The following TNKS2 variants were observed in gnomAD, a reference collection of about 807,000 sequenced individuals.
TNKS2 encodes poly [ADP-ribose] polymerase tankyrase-2.
A neutral mutation model predicts 137.6 loss-of-function variants in TNKS2; 72 were observed. The observed-to-expected ratio is 0.52, with a 90% CI of 0.43 to 0.64. The LOEUF (loss-of-function observed/expected upper bound fraction) is 0.64. Among genes scored for constraint, TNKS2 ranks in the 30% least tolerant of loss-of-function variants. The pLI is 0.00. For synonymous variants in TNKS2, 516 were observed against 512.1 expected, an observed-to-expected ratio of 1.01 and a Z score of -0.10; for missense variants, 1,049 against 1,410.2, an observed-to-expected ratio of 0.74 and a Z score of 4.10.
intron 9 of TNKS2, among the ~76,000 whole-genome samples, chr10:91,829,612 C>G (rs1256362414): frequency 6.6e-6 from 1 of 152,150 alleles, no homozygotes; most frequent in African/African-American, 2.4e-5. Flanking sequence ...GGTCTCTGCG[C>G]TCTCATGATA....
intron 23 of TNKS2, 119 bp from the exon 24 acceptor site, chr10:91,857,306 A>G: frequency 2.0e-6 from 1 of 498,014 alleles, no homozygotes; most frequent in East Asian, 3.1e-5. Context: ...AACACATTTT[A>G]TATTTCAGAG....
In TNKS2 at chr10:91,844,901, ACTT is replaced by A. The variant is rs1842321856; in HGVS notation, c.2060-14_2060-12del. 6.4e-7 allele frequency: 1 copy of A among 1,553,974 alleles called. No homozygotes were observed. Among genetic ancestry groups the A allele is most frequent in the Non-Finnish European group, 8.8e-7 (1 of 1,136,046 alleles). Reference sequence around the variant, plus strand: ...AAGAAAAAACAAGTAAAGTAATTTTACTTCTTTTCTAAATTAGCTGGTTATAAT... The same window carrying A: ...AAGAAAAAACAAGTAAAGTAATTTTACTTTTCTAAATTAGCTGGTTATAAT... On this transcript the variant is annotated splice_polypyrimidine_tract_variant and intron_variant, in intron 16 of 26. Coordinates refer to ENST00000371627, the MANE Select transcript of TNKS2 (RefSeq NM_025235.4).
At chr10:91,853,052 G>A (rs1000586555) in intron 21 of TNKS2, among the ~76,000 whole-genome samples, 1 of 152,164 alleles carries the variant, frequency 6.6e-6, no homozygotes, top group Non-Finnish European at 1.5e-5. Flanking sequence ...GTAGACCATC[G>A]TTGTAACTCT....
chr10:91,848,553 C>T lies in TNKS2; in HGVS notation c.2529C>T (p.Asn843=), dbSNP rs1293025580. The change falls in exon 19 of 27, where the codon AAC becomes AAT. Residue 843 remains asparagine, a synonymous_variant. Transcript: ENST00000371627. ...TTTCTGCAGCCAGCAGTCTTGACAA[C>T]TTATCTGGGAGTTTTTCAGAACTGT... The part of the protein sequence containing the change: ...SSLSAASSLD[N]LSGSFSELSS... The T allele has an allele frequency of 1.2e-5, 20 of 1,614,038 alleles. 1 individual carries two copies. In the Admixed American group the frequency reaches 3.3e-4, roughly 27 times the overall value.
chr10:91,814,840 T>C (rs1844628615), intron 2 of TNKS2, among the ~76,000 whole-genome samples: 1 of 152,186 alleles, frequency 6.6e-6, no homozygotes, highest in Non-Finnish European at 1.5e-5. Flanking sequence ...CACCTACCAA[T>C]GCATTTCTCA....
In TNKS2 at chr10:91,859,666, C is replaced by G. The variant is rs781450576; in HGVS notation, c.3281+18C>G. 6.3e-7 allele frequency: 1 copy of G among 1,597,304 alleles called. No individual in the cohort carries two copies. Among genetic ancestry groups the G allele is most frequent in the South Asian group, 1.1e-5 (1 of 88,468 alleles). ...TGCCACAGGTAAGAGATCACTTGTT[C>G]TCATTTATTTTGGTGGTAATCAGAT... On this transcript the variant is annotated intron_variant, in intron 25 of 26. Coordinates refer to ENST00000371627, the MANE Select transcript of TNKS2 (RefSeq NM_025235.4).
chr10:91,821,933 T>C (rs1330002196), intron 6 of TNKS2, among the ~76,000 whole-genome samples: 6 of 152,182 alleles, frequency 3.9e-5, no homozygotes, highest in African/African-American at 1.4e-4. Flanking sequence ...ATGGTGAAAC[T>C]TACCTTTTAG....
intron 1 of TNKS2, among the ~76,000 whole-genome samples, chr10:91,799,714 TA>T (rs1223949687): frequency 6.6e-6 from 1 of 152,230 alleles, no homozygotes; most frequent in Non-Finnish European, 1.5e-5. Context: ...ATAGATGGGA[TA>T]TTCAGCTTAT....
At chr10:91,815,204 A>G (rs574100788) in intron 2 of TNKS2, among the ~76,000 whole-genome samples, 95 of 152,304 alleles carry the variant, frequency 6.2e-4, no homozygotes, top group African/African-American at 2.2e-3. Flanking sequence ...AGTGCACTAG[A>G]GAAAGTCCAG....
At chr10:91,800,408 G>T (rs1003919558) in intron 1 of TNKS2, among the ~76,000 whole-genome samples, 6 of 152,188 alleles carry the variant, frequency 3.9e-5, no homozygotes, top group Admixed American at 6.5e-5. Flanking sequence ...AACCAAGAAA[G>T]ATCTTAGTTG....
chr10:91,850,789 A>G (rs1303308831), intron 20 of TNKS2, among the ~76,000 whole-genome samples: 2 of 152,224 alleles, frequency 1.3e-5, no homozygotes, highest in African/African-American at 4.8e-5. Flanking sequence ...GGAATGCTTC[A>G]TGGAACGTGT....
chr10:91,819,228 TTC>T (rs1457907298), intron 3 of TNKS2, 40 bp from the exon 4 acceptor site: 1 of 1,218,982 alleles, frequency 8.2e-7, no homozygotes, highest in Non-Finnish European at 1.1e-6. Context: ...TCATTAATTT[TTC>T]TTTTTAATTT....
In TNKS2 at chr10:91,845,919, A is replaced by G. The variant is rs773160425; in HGVS notation, c.2337A>G (p.Gln779=). The G allele has an allele frequency of 6.4e-7, 1 of 1,574,598 alleles. No individual in the cohort carries two copies. The highest frequency in any genetic ancestry group is 1.1e-5 in the South Asian group (1 of 87,086). ...CGACTCTTAAAAATCAGGAAGGACA[A>G]ACACCTTTAGATTTAGTTTCAGTAA... ...ADPTLKNQEG[Q]TPLDLVSADD... The change falls in exon 18 of 27, where the codon CAA becomes CAG. Residue 779 remains glutamine, a synonymous_variant. Transcript: ENST00000371627.
At chr10:91,831,903 T>G (rs570056685) in intron 11 of TNKS2, among the ~76,000 whole-genome samples, 4 of 152,310 alleles carry the variant, frequency 2.6e-5, no homozygotes, top group Admixed American at 2.6e-4. Flanking sequence ...TTCAGTATAC[T>G]CTATAACAGA....
At chr10:91,798,925 A>G in intron 1 of TNKS2, 36 bp downstream of exon 1, 4 of 1,335,288 alleles carry the variant, frequency 3.0e-6, no homozygotes, top group Non-Finnish European at 3.9e-6. Flanking sequence ...CTCGCTCCAG[A>G]CCCCACCTGC....
chr10:91,830,197 G>A (rs775387466), intron 9 of TNKS2, among the ~76,000 whole-genome samples: 3 of 152,112 alleles, frequency 2.0e-5, no homozygotes, highest in Non-Finnish European at 4.4e-5. Context: ...AGAATCCAGA[G>A]CTGATGAGTG....
At chr10:91,819,123 A>C in intron 3 of TNKS2, 147 bp from the exon 4 acceptor site, 1 of 514,242 alleles carries the variant, frequency 1.9e-6, no homozygotes. Context: ...TTTAAACTAC[A>C]CAATATTCTG....
chr10:91,817,173 C>T lies in TNKS2; in HGVS notation c.464C>T (p.Thr155Ile). ...QHGAEPTIRN[T>I]DGRTALDLAD... Reference sequence around the variant, plus strand: ...GGAGCTGAGCCAACCATCCGAAATACAGATGGAAGGACAGCATTGGATTTA... The same window carrying T: ...GGAGCTGAGCCAACCATCCGAAATATAGATGGAAGGACAGCATTGGATTTA... The change falls in exon 3 of 27, where the codon ACA becomes ATA. Residue 155 changes from threonine (T) to isoleucine (I), a missense_variant. Physicochemically the swap from Thr to Ile is moderately conservative, Grantham distance 89 (BLOSUM62 -1). Coordinates refer to ENST00000371627, the MANE Select transcript of TNKS2 (RefSeq NM_025235.4). The T allele has an allele frequency of 6.2e-7, 1 of 1,613,746 alleles. No homozygotes were observed. The highest frequency in any genetic ancestry group is 1.1e-5 in the South Asian group (1 of 90,936).
In TNKS2 at chr10:91,844,428, C is replaced by G. The variant is rs75738448; in HGVS notation, c.2060-491C>G. On this transcript the variant is annotated intron_variant, in intron 16 of 26. Transcript: ENST00000371627. ...GCAGAGATGTGTACCTCTGAGTTCTCTCTAGCAAAAAAGCATGCTCTTGTG... is the reference window on the plus strand; with the variant it reads ...GCAGAGATGTGTACCTCTGAGTTCTGTCTAGCAAAAAAGCATGCTCTTGTG... Among the ~76,000 whole-genome samples the G allele has an allele frequency of 8.3e-3, 1,265 of 152,240 alleles. 15 individuals carry two copies. The highest frequency in any genetic ancestry group is 0.029 in the African/African-American group (1,212 of 41,542).
Sources: allele counts gnomAD v4.1 joint callset (sites outside exome capture counted in the v4.1 genomes callset), GRCh38; gene constraint gnomAD v4.1.1; transcripts MANE v1.5; gene names NCBI Gene and HGNC (gene_info 2026-07-23, HGNC 2026-07-21).